UTRN: variants seen among roughly 807,000 people sequenced by gnomAD.
The protein encoded by UTRN is utrophin.
UTRN carries 283 observed loss-of-function variants against 463.9 expected under a neutral mutation model. The observed-to-expected ratio is 0.61, with a 90% CI of 0.55 to 0.67. UTRN has a LOEUF of 0.67. UTRN is among the 30% of genes least tolerant of loss of function. UTRN has a pLI of 0.00. For synonymous variants in UTRN, 1,442 were observed against 1,431.5 expected (o/e 1.01, Z -0.17); for missense variants, 3,922 against 4,084.3 (o/e 0.96, Z 1.08).
At chr6:144,508,995 T>C (rs1161402447) in intron 34 of UTRN, among the ~76,000 whole-genome samples, 1 of 152,222 alleles carries the variant, frequency 6.6e-6, no homozygotes, top group African/African-American at 2.4e-5. Flanking sequence ...CTGCAGTTAA[T>C]GGGTTCCCTC....
intron 51 of UTRN, among the ~76,000 whole-genome samples, chr6:144,650,855 G>A (rs529662071): frequency 2.0e-4 from 30 of 152,116 alleles, no homozygotes; most frequent in African/African-American, 6.7e-4. Context: ...GTTGCAGTGG[G>A]CCCAGACTGC....
In UTRN at chr6:144,286,346, C is replaced by T. The variant is rs1432316489; in HGVS notation, c.-93+525C>T. The stretch of plus-strand genomic sequence containing the variant: ...GCTGTGTGGTCGGCGGCCAGCGGAG[C>T]GCTTCCCAGCCAGCCGCCCGGCGGG... On this transcript the variant is annotated intron_variant, in intron 1 of 74. Coordinates refer to ENST00000367545, the MANE Select transcript of UTRN (RefSeq NM_007124.3). The surrounding 1 kb of genome is among the most constrained non-coding windows in gnomAD (Gnocchi z 4.4). Among the ~76,000 whole-genome samples, 1 of 151,880 alleles carries T rather than the reference C, an allele frequency of 6.6e-6. No individual in the cohort carries two copies. Among genetic ancestry groups the T allele is most frequent in the Non-Finnish European group, 1.5e-5 (1 of 67,972 alleles).
At chr6:144,372,197 G>A (rs1584487807) in intron 2 of UTRN, among the ~76,000 whole-genome samples, 2 of 152,190 alleles carry the variant, frequency 1.3e-5, no homozygotes, top group East Asian at 3.9e-4. Flanking sequence ...TTTATTTAGT[G>A]CCTATTGCTA....
At chr6:144,699,149 G>A (rs933349071) in intron 52 of UTRN, among the ~76,000 whole-genome samples, 4 of 152,080 alleles carry the variant, frequency 2.6e-5, no homozygotes, top group Non-Finnish European at 5.9e-5. Context: ...TCCTAAAAAA[G>A]TTAATCAAGA....
chr6:144,739,923 G>A (rs9497067), intron 54 of UTRN, among the ~76,000 whole-genome samples: 2,193 of 152,190 alleles, frequency 0.014, 52 homozygotes, highest in African/African-American at 0.05. Flanking sequence ...TAAAGGAAGG[G>A]GAAAGTGAAA....
chr6:144,785,353 A>C (rs1776209916), intron 61 of UTRN, among the ~76,000 whole-genome samples: 1 of 152,222 alleles, frequency 6.6e-6, no homozygotes, highest in Non-Finnish European at 1.5e-5. Flanking sequence ...GAATTCTCAA[A>C]GTAGAAGGAT....
In UTRN at chr6:144,461,138, A is replaced by G. The variant is rs926336668; in HGVS notation, c.2708-59A>G. On this transcript the variant is annotated intron_variant, in intron 21 of 74. Coordinates refer to ENST00000367545, the MANE Select transcript of UTRN (RefSeq NM_007124.3). ...TGGAATTCATTTAGGATAATGGTCTATGTAATAATATTGGTTCCTAATATG... is the reference window on the plus strand; with the variant it reads ...TGGAATTCATTTAGGATAATGGTCTGTGTAATAATATTGGTTCCTAATATG... 4.9e-6 allele frequency: 7 copies of G among 1,422,054 alleles called. No homozygotes were observed. The African/African-American group carries it at 5.8e-5, about 12-fold the overall frequency. 88.1% of individuals were successfully genotyped at this position (1,422,054 alleles called of 1,614,324 possible).
At chr6:144,440,267 C>A in intron 12 of UTRN, 85 bp from the exon 13 acceptor site, 1 of 1,427,192 alleles carries the variant, frequency 7.0e-7, no homozygotes, top group Non-Finnish European at 9.8e-7. Flanking sequence ...ATTAACTGTC[C>A]TTAATTACTA....
intron 58 of UTRN, among the ~76,000 whole-genome samples, chr6:144,759,027 G>C (rs1454839256): frequency 2.0e-5 from 3 of 152,012 alleles, no homozygotes; most frequent in African/African-American, 2.4e-5. Context: ...GTCCATGTTG[G>C]TGAAATAGTC....
In UTRN at chr6:144,629,923, C is replaced by T. The variant is rs765729714; in HGVS notation, c.7480-48483C>T. Among the ~76,000 whole-genome samples, 5 of 152,160 alleles carry T rather than the reference C, an allele frequency of 3.3e-5. No individual in the cohort carries two copies. In the South Asian group the frequency reaches 6.2e-4, roughly 19 times the overall value. ...CATTCTGGCCGGGCGTAGTGGCTCA[C>T]GCCTGTAATCCCAGCACTTTGGGAG... On this transcript the variant is annotated intron_variant, in intron 51 of 74. Transcript: ENST00000367545.
intron 13 of UTRN, among the ~76,000 whole-genome samples, chr6:144,440,856 G>T (rs573426711): frequency 2.2e-4 from 34 of 152,332 alleles, no homozygotes; most frequent in Middle Eastern, 3.4e-3. Context: ...AATCATGGTG[G>T]AAGGGAAGGA....
chr6:144,744,604 T>TACAC (rs554895139), intron 54 of UTRN, among the ~76,000 whole-genome samples: 20 of 103,200 alleles, frequency 1.9e-4, no homozygotes, highest in African/African-American at 6.2e-4. Context: ...TGACAGGGCA[T>TACAC]ACACACACAC....
intron 66 of UTRN, among the ~76,000 whole-genome samples, chr6:144,824,614 C>CTCTCTCTTTTTT (rs1315487327): frequency 3.2e-5 from 1 of 30,878 alleles, no homozygotes; most frequent in African/African-American, 1.1e-4. Flanking sequence ...ATATATATAT[C>CTCTCTCTTTTTT]TTTTTTTTTT....
At chr6:144,409,154 A>C (rs1443401124) in intron 3 of UTRN, among the ~76,000 whole-genome samples, 1 of 152,238 alleles carries the variant, frequency 6.6e-6, no homozygotes, top group Non-Finnish European at 1.5e-5. Flanking sequence ...CTTTGGCTAT[A>C]CTTATGCAAG....
chr6:144,676,924 C>T (rs985290809), intron 51 of UTRN, among the ~76,000 whole-genome samples: 6 of 152,126 alleles, frequency 3.9e-5, no homozygotes, highest in African/African-American at 9.6e-5. Flanking sequence ...TATGTGAAAA[C>T]GGGAGAGTAA....
intron 23 of UTRN, among the ~76,000 whole-genome samples, chr6:144,472,608 G>A (rs944170547): frequency 2.6e-5 from 4 of 152,054 alleles, no homozygotes; most frequent in African/African-American, 9.7e-5. Context: ...AGAGTAGTGA[G>A]CAATACCTAA....
intron 51 of UTRN, among the ~76,000 whole-genome samples, chr6:144,611,201 G>A (rs1407604481): frequency 6.6e-6 from 1 of 152,188 alleles, no homozygotes; most frequent in East Asian, 1.9e-4. Context: ...CATATTAGCT[G>A]TAGAGGGAAT....
chr6:144,408,601 T>C (rs1783620838), intron 3 of UTRN, among the ~76,000 whole-genome samples: 2 of 152,246 alleles, frequency 1.3e-5, no homozygotes, highest in Non-Finnish European at 2.9e-5. Context: ...CAAGTTTTCA[T>C]GTAAGTTACA....
intron 3 of UTRN, among the ~76,000 whole-genome samples, chr6:144,404,119 G>A (rs760156707): frequency 6.6e-6 from 1 of 152,130 alleles, no homozygotes; most frequent in African/African-American, 2.4e-5. Context: ...AATGCTCCAC[G>A]TCCCAATATT....
Sources: allele counts gnomAD v4.1 joint callset (sites outside exome capture counted in the v4.1 genomes callset), GRCh38; gene constraint gnomAD v4.1.1; non-coding constraint Gnocchi (gnomAD v3.1); transcripts MANE v1.5; gene names NCBI Gene and HGNC (gene_info 2026-07-23, HGNC 2026-07-21).